Variants in RANBP2 observed in about 807,000 individuals in gnomAD.
RANBP2 encodes E3 SUMO-protein ligase RanBP2.
RANBP2 carries 57 observed loss-of-function variants against 303.6 expected under a neutral mutation model. The ratio of observed to expected loss-of-function variants is 0.19; its 90% CI spans 0.15 to 0.23. The LOEUF is 0.23. Ranked by LOEUF, RANBP2 falls within the 10% of genes least tolerant of loss-of-function variation. The pLI is 1.00. For synonymous variants in RANBP2, 1,167 were observed against 1,301.5 expected (o/e 0.90, Z 2.23); for missense variants, 3,138 against 3,780.8 (o/e 0.83, Z 4.46).
chr2:109,249,501 C>CTT, the RANBP2 span, among the ~76,000 whole-genome samples: 117 of 34,746 alleles, frequency 3.4e-3, 2 homozygotes, highest in African/African-American at 0.015. Context: ...TTCTTTCTTT[C>CTT]TTTCTTTCAT....
At chr2:109,091,599 A>T in the RANBP2 span, among the ~76,000 whole-genome samples, 5 of 152,116 alleles carry the variant, frequency 3.3e-5, no homozygotes, top group Non-Finnish European at 7.4e-5. Flanking sequence ...TTGGGCAGTT[A>T]ACAAATTTGG....
At chr2:109,540,392 T>C in the RANBP2 span, among the ~76,000 whole-genome samples, 1 of 151,984 alleles carries the variant, frequency 6.6e-6, no homozygotes, top group South Asian at 2.1e-4. Flanking sequence ...TGTATTTTCC[T>C]ATACTCCTAT....
chr2:109,620,887 T>C, the RANBP2 span, among the ~76,000 whole-genome samples: 2 of 152,172 alleles, frequency 1.3e-5, no homozygotes, highest in African/African-American at 4.8e-5. Flanking sequence ...TGGAGAACTT[T>C]CTAATAATCA....
At chr2:109,011,547 T>C in the RANBP2 span, among the ~76,000 whole-genome samples, 2 of 152,188 alleles carry the variant, frequency 1.3e-5, no homozygotes, top group Non-Finnish European at 2.9e-5. Context: ...CTTTCACCCA[T>C]TGTGTTGGGC....
At chr2:109,732,832 T>A in the RANBP2 span, 1 of 1,296,232 alleles carries the variant, frequency 7.7e-7, no homozygotes, top group Non-Finnish European at 1.1e-6. Context: ...CTAGAAACCC[T>A]CCTGGCTTTG....
the RANBP2 span, among the ~76,000 whole-genome samples, chr2:109,458,203 C>T: frequency 4.8e-3 from 730 of 152,156 alleles, 4 homozygotes; most frequent in African/African-American, 0.017. Flanking sequence ...CCTTCCAGGC[C>T]GCATCTTACT....
downstream of RANBP2, among the ~76,000 whole-genome samples, chr2:108,786,603 A>G (rs1367234419): frequency 6.6e-6 from 1 of 151,926 alleles, no homozygotes; most frequent in Non-Finnish European, 1.5e-5. Flanking sequence ...GAGATGCAAT[A>G]CTACTCAGTT....
rs535110244 is a variant in RANBP2 at position 108,737,374 on chromosome 2, G to C, written c.782+1125G>C. Among the ~76,000 whole-genome samples, 226 of 122,802 alleles carry C rather than the reference G, an allele frequency of 1.8e-3. 1 individual carries two copies. The highest frequency in any genetic ancestry group is 7.5e-3 in the African/African-American group (216 of 28,796). The allele number at this position is 122,802 out of a possible 152,430, so 80.6% of individuals were successfully genotyped here. ...TGTTTTTTTGAGATGGAGTCTTGCT[G>C]TGTCACCAGGCTGGAGTGCAATGGA... On this transcript the variant is annotated intron_variant, in intron 6 of 28. Transcript: ENST00000283195.
the RANBP2 span, among the ~76,000 whole-genome samples, chr2:109,176,486 CTT>C: frequency 6.6e-6 from 1 of 152,122 alleles, no homozygotes; most frequent in Admixed American, 6.5e-5. Context: ...AATCCTAACA[CTT>C]TGTGGGGCCA....
At chr2:109,642,952 A>G in the RANBP2 span, among the ~76,000 whole-genome samples, 1 of 152,084 alleles carries the variant, frequency 6.6e-6, no homozygotes, top group Non-Finnish European at 1.5e-5. Context: ...AGGCAGGTGA[A>G]TTGCTTGAGC....
At chr2:108,988,482 T>C in the RANBP2 span, among the ~76,000 whole-genome samples, 2 of 152,078 alleles carry the variant, frequency 1.3e-5, no homozygotes, top group African/African-American at 4.8e-5. Flanking sequence ...GGCCAGGATA[T>C]GGGGGGTCTC....
At chr2:109,730,324 C>T in the RANBP2 span, among the ~76,000 whole-genome samples, 3 of 152,112 alleles carry the variant, frequency 2.0e-5, no homozygotes, top group Admixed American at 2.0e-4. Context: ...AAGAGGTGTT[C>T]CTCTAAAGAT....
the RANBP2 span, chr2:109,348,076 A>T: frequency 7.6e-7 from 1 of 1,315,242 alleles, no homozygotes; most frequent in African/African-American, 1.5e-5. Context: ...TCCTCCCGGA[A>T]CCCTGGGCAA....
chr2:109,200,296 T>C, the RANBP2 span, among the ~76,000 whole-genome samples: 1 of 152,190 alleles, frequency 6.6e-6, no homozygotes, highest in Non-Finnish European at 1.5e-5. Context: ...GTCTGTTTGC[T>C]CAGAGGCCTT....
At chr2:109,611,336 C>T in the RANBP2 span, among the ~76,000 whole-genome samples, 1 of 152,006 alleles carries the variant, frequency 6.6e-6, no homozygotes, top group Non-Finnish European at 1.5e-5. Context: ...TGATAAATTT[C>T]AACAAAACTG....
At chr2:108,825,953 G>A in the RANBP2 span, among the ~76,000 whole-genome samples, 2 of 152,278 alleles carry the variant, frequency 1.3e-5, no homozygotes, top group East Asian at 3.9e-4. Context: ...TGTCATCTCA[G>A]TGAGTATGAA....
the RANBP2 span, among the ~76,000 whole-genome samples, chr2:109,308,214 A>G: frequency 3.1e-5 from 4 of 130,584 alleles, no homozygotes; most frequent in Non-Finnish European, 6.2e-5. Context: ...GGCTGCATAA[A>G]TGTCTTCTTT....
At chr2:109,704,983 A>C in the RANBP2 span, among the ~76,000 whole-genome samples, 12 of 152,262 alleles carry the variant, frequency 7.9e-5, no homozygotes, top group Admixed American at 3.3e-4. Context: ...AAGCAATGAG[A>C]AATCACTTTT....
At chr2:109,709,683 C>T in the RANBP2 span, among the ~76,000 whole-genome samples, 2 of 152,270 alleles carry the variant, frequency 1.3e-5, no homozygotes, top group African/African-American at 2.4e-5. Flanking sequence ...CATAAAAGCC[C>T]TCAGCTCTAG....
Sources: gnomAD v4.1 joint callset for allele counts (sites outside exome capture counted in the v4.1 genomes callset) on GRCh38, gnomAD v4.1.1 for gene constraint, MANE v1.5 for transcripts, NCBI Gene and HGNC (gene_info 2026-07-23, HGNC 2026-07-21) for gene names.